Variants in LANCL2 observed in about 807,000 individuals in gnomAD.
LANCL2 encodes the protein LanC like glutathione S-transferase 2, also known as lanC-like protein 2.
LANCL2 carries 33 observed loss-of-function variants against 56.9 expected under a neutral mutation model. The ratio of observed to expected loss-of-function variants is 0.58; its 90% CI spans 0.44 to 0.78. The LOEUF (loss-of-function observed/expected upper bound fraction) is 0.78. Ranked by LOEUF, LANCL2 falls within the 30% of genes least tolerant of loss-of-function variation. The pLI is 0.00. For synonymous variants in LANCL2, 233 were observed against 228.2 expected, an observed-to-expected ratio of 1.02 and a Z score of -0.19; for missense variants, 562 against 580.2, an observed-to-expected ratio of 0.97 and a Z score of 0.32.
chr7:55,365,704 A>C lies in LANCL2; in HGVS notation c.-322A>C. On this transcript the variant is annotated 5_prime_UTR_variant, in exon 1 of 9. Coordinates refer to ENST00000254770, the MANE Select transcript of LANCL2 (RefSeq NM_018697.4). ...TCGCCGCGGACGGGCTCTGCGGGCC[A>C]CGGGGAAGGTGCGAGGAGGCGCGAG... 2.2e-5 allele frequency: 5 copies of C among 223,840 alleles called. No homozygotes were observed. The highest frequency in any genetic ancestry group is 1.7e-5 in the Non-Finnish European group (2 of 114,660). 13.9% of individuals were successfully genotyped at this position (223,840 alleles called of 1,614,324 possible).
intron 5 of LANCL2, among the ~76,000 whole-genome samples, chr7:55,402,804 G>C (rs1790355806): frequency 7.6e-6 from 1 of 130,902 alleles, no homozygotes; most frequent in East Asian, 2.1e-4. Context: ...TTCTCAGACG[G>C]GGCGGCCGGG....
At chr7:55,383,584 C>T (rs371916994) in intron 1 of LANCL2, among the ~76,000 whole-genome samples, 5 of 152,134 alleles carry the variant, frequency 3.3e-5, no homozygotes, top group Non-Finnish European at 2.9e-5. Flanking sequence ...CCCTTCAAGC[C>T]GTTTTTCTGC....
At chr7:55,430,907 C>T (rs147584865) in intron 8 of LANCL2, among the ~76,000 whole-genome samples, 13 of 152,276 alleles carry the variant, frequency 8.5e-5, no homozygotes, top group African/African-American at 2.9e-4. Context: ...GGGGAAGCTC[C>T]GTGTATAGGA....
rs1371148294 is a variant in LANCL2, at chr7:55,366,109, C to T, written c.84C>T (p.Phe28=). Reference sequence around the variant, plus strand: ...AGGAACGGGCGTTCGTCAACCCCTTCCCGGACTACGAGGCCGCCGCCGGGG... The same window carrying T: ...AGGAACGGGCGTTCGTCAACCCCTTTCCGGACTACGAGGCCGCCGCCGGGG... ...EMEERAFVNP[F]PDYEAAAGAL... is the part of the protein sequence containing the mutation. Residue 28 remains phenylalanine, a synonymous_variant, in exon 1 of 9, where the codon TTC becomes TTT. Transcript: ENST00000254770. The T allele has an allele frequency of 1.3e-6, 2 of 1,545,424 alleles. No individual in the cohort carries two copies. The highest frequency in any genetic ancestry group is 1.4e-5 in the African/African-American group (1 of 71,996).
At chr7:55,414,114 A>T (rs545872990) in intron 6 of LANCL2, among the ~76,000 whole-genome samples, 13 of 152,372 alleles carry the variant, frequency 8.5e-5, no homozygotes, top group African/African-American at 2.9e-4. Context: ...ATATGGTCTT[A>T]GAATTGGGGG....
intron 1 of LANCL2, among the ~76,000 whole-genome samples, chr7:55,390,151 C>T (rs993182220): frequency 7.2e-5 from 11 of 152,146 alleles, no homozygotes; most frequent in African/African-American, 1.7e-4. Context: ...GAAACTGAGT[C>T]GGTTTGTCAG....
chr7:55,427,437 G>C (rs1790676676), intron 7 of LANCL2, among the ~76,000 whole-genome samples: 1 of 152,210 alleles, frequency 6.6e-6, no homozygotes. Context: ...TCCCCAAATA[G>C]TGGTTTAGTA....
intron 6 of LANCL2, among the ~76,000 whole-genome samples, chr7:55,417,193 A>T (rs1164174348): frequency 6.6e-6 from 1 of 151,682 alleles, no homozygotes; most frequent in South Asian, 2.1e-4. Flanking sequence ...GTTAGCCGGG[A>T]TGGTCTCTAT....
chr7:55,366,272 C>A, intron 1 of LANCL2, 43 bp downstream of exon 1: 1 of 1,419,672 alleles, frequency 7.0e-7, no homozygotes, highest in Non-Finnish European at 9.3e-7. Context: ...AGGGGGAGCG[C>A]GGCGGTGGTA....
chr7:55,403,225 G>A lies in LANCL2; in HGVS notation c.825+1905G>A, dbSNP rs370381862. Among the ~76,000 whole-genome samples, 166 of 152,400 alleles carry A rather than the reference G, an allele frequency of 1.1e-3. 4 individuals are homozygous for A. In the East Asian group the frequency reaches 0.027, roughly 24 times the overall value. On this transcript the variant is annotated intron_variant, in intron 5 of 8. Coordinates refer to ENST00000254770, the MANE Select transcript of LANCL2 (RefSeq NM_018697.4). ...GGAGGCCGAGGCTGGCGGATCACTC[G>A]CGGTTAGGAGCTGGAGACCAGCCTG...
intron 2 of LANCL2, among the ~76,000 whole-genome samples, chr7:55,395,743 C>T (rs1332536443): frequency 6.6e-6 from 1 of 152,244 alleles, no homozygotes; most frequent in African/African-American, 2.4e-5. Context: ...CTCTTCTTAG[C>T]TCCATCAGAG....
intron 1 of LANCL2, among the ~76,000 whole-genome samples, chr7:55,385,034 A>C (rs1790109022): frequency 6.6e-6 from 1 of 152,164 alleles, no homozygotes; most frequent in African/African-American, 2.4e-5. Context: ...ACAAAATACA[A>C]AAATTAGCCA....
At chr7:55,419,595 T>A (rs1790586408) in intron 6 of LANCL2, among the ~76,000 whole-genome samples, 1 of 152,042 alleles carries the variant, frequency 6.6e-6, no homozygotes, top group African/African-American at 2.4e-5. Flanking sequence ...AGAGACAGGA[T>A]TTCACCATGT....
chr7:55,421,805 C>T (rs1299278353), intron 6 of LANCL2, among the ~76,000 whole-genome samples: 2 of 152,178 alleles, frequency 1.3e-5, no homozygotes, highest in Admixed American at 1.3e-4. Context: ...CTGCTTCCTC[C>T]AGAGCTTTGC....
In LANCL2 at chr7:55,418,832, T is replaced by C. The variant is rs553694344; in HGVS notation, c.1009-6422T>C. 1.8e-4 allele frequency among the ~76,000 whole-genome samples: 28 copies of C among 152,174 alleles called. 1 individual carries two copies. The South Asian group carries it at 5.8e-3, about 32-fold the overall frequency. On this transcript the variant is annotated intron_variant, in intron 6 of 8. Transcript: ENST00000254770. ...TTTATTACTGGTTATCATGAAGGGA[T>C]GTTGAATTTTGTCATTTTTTTTTCC...
At chr7:55,378,286 C>T (rs780100370) in intron 1 of LANCL2, among the ~76,000 whole-genome samples, 1 of 151,946 alleles carries the variant, frequency 6.6e-6, no homozygotes, top group Non-Finnish European at 1.5e-5. Flanking sequence ...ATGGGGAAAC[C>T]CTGTCTCTAC....
chr7:55,409,483 C>T (rs1013523528), intron 5 of LANCL2, among the ~76,000 whole-genome samples: 1 of 152,174 alleles, frequency 6.6e-6, no homozygotes, highest in Non-Finnish European at 1.5e-5. Flanking sequence ...CTGTTTAAAA[C>T]ATCCTGTCCC....
At chr7:55,398,711 A>C in intron 3 of LANCL2, 81 bp downstream of exon 3, 1 of 1,074,054 alleles carries the variant, frequency 9.3e-7, no homozygotes. Context: ...AAAGGAAACT[A>C]TTTTTCCATT....
At chr7:55,414,507 ATAT>A (rs1790504814) in intron 6 of LANCL2, among the ~76,000 whole-genome samples, 1 of 152,222 alleles carries the variant, frequency 6.6e-6, no homozygotes, top group African/African-American at 2.4e-5. Context: ...ACTTGAAAAA[ATAT>A]TATTAATTAT....
Sources: allele counts gnomAD v4.1 joint callset (sites outside exome capture counted in the v4.1 genomes callset), GRCh38; gene constraint gnomAD v4.1.1; transcripts MANE v1.5; gene names NCBI Gene and HGNC (gene_info 2026-07-23, HGNC 2026-07-21).